Variants in GPLD1 observed in about 807,000 individuals in gnomAD.
GPLD1 encodes the protein phosphatidylinositol-glycan-specific phospholipase D.
GPLD1 carries 84 observed loss-of-function variants against 112.6 expected under a neutral mutation model. The ratio of observed to expected loss-of-function variants is 0.75; its 90% CI spans 0.63 to 0.89. The LOEUF is 0.89. GPLD1 is among the 40% of genes least tolerant of loss of function. GPLD1 has a pLI of 0.00. For synonymous variants in GPLD1, 386 were observed against 403.8 expected, an observed-to-expected ratio of 0.96 and a Z score of 0.53; for missense variants, 1,044 against 1,051.5, an observed-to-expected ratio of 0.99 and a Z score of 0.10.
Position 24,436,669 on chromosome 6 carries a change from G to A in GPLD1, c.2265C>T (p.Asp755=), listed in dbSNP as rs1062519. ...DVTSGLIGGE[D]GRVYVYNGKE... Reference sequence around the variant, plus strand: ...TGCCATTATATACATATACTCGGCCGTCTTCTCCCCCAATCAGTCCAGAGG... The same window carrying A: ...TGCCATTATATACATATACTCGGCCATCTTCTCCCCCAATCAGTCCAGAGG... The change falls in exon 22 of 25, where the codon GAC becomes GAT. Residue 755 remains aspartate, a synonymous_variant. Coordinates refer to ENST00000230036, the MANE Select transcript of GPLD1 (RefSeq NM_001503.4). The A allele has an allele frequency of 1.2e-5, 19 of 1,613,738 alleles. No individual in the cohort carries two copies. In the Middle Eastern group the frequency reaches 4.9e-4, roughly 42 times the overall value.
Position 24,452,605 on chromosome 6 carries a change from G to A in GPLD1, c.1335+1410C>T, listed in dbSNP as rs200264843. Among the ~76,000 whole-genome samples, 229 of 152,116 alleles carry A rather than the reference G, an allele frequency of 1.5e-3. 8 individuals are homozygous for A. The South Asian group carries it at 0.029, about 19-fold the overall frequency. On this transcript the variant is annotated intron_variant, in intron 14 of 24. Transcript: ENST00000230036. ...AGCCTTACCAATATGGTGAAACCCC[G>A]TCTCTACTAAAAATACAAAAATTAG...
intron 14 of GPLD1, among the ~76,000 whole-genome samples, chr6:24,452,311 A>C (rs1173458828): frequency 2.6e-5 from 4 of 152,112 alleles, no homozygotes; most frequent in Non-Finnish European, 5.9e-5. Context: ...AGATTAGATA[A>C]ATTTATTTTG....
intron 12 of GPLD1, among the ~76,000 whole-genome samples, chr6:24,459,687 AT>A (rs1236590095): frequency 6.6e-6 from 1 of 152,138 alleles, no homozygotes; most frequent in Non-Finnish European, 1.5e-5. Flanking sequence ...TTTGTCTTTC[AT>A]TTTATATCCC....
intron 12 of GPLD1, 127 bp downstream of exon 12, chr6:24,460,152 C>G: frequency 9.3e-7 from 1 of 1,078,228 alleles, no homozygotes; most frequent in South Asian, 1.3e-5. Flanking sequence ...CTCAACTCAG[C>G]CTCCCAGCCA....
upstream of GPLD1, among the ~76,000 whole-genome samples, chr6:24,489,908 G>C (rs534175009): frequency 1.3e-5 from 2 of 152,322 alleles, no homozygotes; most frequent in East Asian, 3.9e-4. Flanking sequence ...TGTGCAGATA[G>C]TCAACATATT....
chr6:24,465,263 C>T (rs1581765894), intron 10 of GPLD1, among the ~76,000 whole-genome samples: 2 of 147,398 alleles, frequency 1.4e-5, no homozygotes, highest in Non-Finnish European at 3.0e-5. Flanking sequence ...TTTCCGGCCA[C>T]GCATGGTGGC....
At chr6:24,451,579 G>GC (rs200444757) in intron 14 of GPLD1, among the ~76,000 whole-genome samples, 4,530 of 152,276 alleles carry the variant, frequency 0.03, 94 homozygotes, top group Non-Finnish European at 0.045. Context: ...CTCAGGATCT[G>GC]CCCGCCTTGG....
chr6:24,492,953 C>A (rs1192694334), upstream of GPLD1, among the ~76,000 whole-genome samples: 2 of 152,168 alleles, frequency 1.3e-5, no homozygotes, highest in African/African-American at 4.8e-5. Context: ...CCTAAAACTT[C>A]TTTTCTTCAG....
intron 22 of GPLD1, among the ~76,000 whole-genome samples, chr6:24,435,410 C>G: frequency 6.6e-6 from 1 of 152,100 alleles, no homozygotes; most frequent in Non-Finnish European, 1.5e-5. Context: ...AGGAAAAATA[C>G]TAGCAGGATC....
In GPLD1 at chr6:24,437,242, C is replaced by T. The variant is rs569424660; in HGVS notation, c.2068G>A (p.Gly690Arg). 1.2e-5 allele frequency: 19 copies of T among 1,614,004 alleles called. No individual in the cohort carries two copies. Among genetic ancestry groups the T allele is most frequent in the East Asian group, 2.2e-5 (1 of 44,904 alleles). The change falls in exon 21 of 25, where the codon GGA becomes AGA. Residue 690 changes from glycine (G) to arginine (R), a missense_variant. Coordinates refer to ENST00000230036, the MANE Select transcript of GPLD1 (RefSeq NM_001503.4). ...GTGAGTGCGTACATGCGAGTGGCTC[C>T]GCCTTGGTGTAGGGTCACGGTCAGG... ...AFLTVTLHQG[G>R]ATRMYALTSD...
chr6:24,478,805 C>G (rs992297874), intron 3 of GPLD1, among the ~76,000 whole-genome samples: 2 of 152,134 alleles, frequency 1.3e-5, no homozygotes, highest in African/African-American at 2.4e-5. Context: ...CTTGAACTAT[C>G]TTTTGCAATT....
At chr6:24,431,875 G>GTGTA (rs1256151447) in intron 24 of GPLD1, among the ~76,000 whole-genome samples, 1 of 152,126 alleles carries the variant, frequency 6.6e-6, no homozygotes, top group Non-Finnish European at 1.5e-5. Flanking sequence ...AATTTAAACT[G>GTGTA]TGTACACTTT....
At chr6:24,438,885 C>G (rs1053575247) in intron 20 of GPLD1, among the ~76,000 whole-genome samples, 1 of 152,088 alleles carries the variant, frequency 6.6e-6, no homozygotes, top group Non-Finnish European at 1.5e-5. Context: ...TTCCTGGGTT[C>G]AAGCGATTCT....
At chr6:24,479,817 G>A in intron 3 of GPLD1, 64 bp downstream of exon 3, 1 of 850,346 alleles carries the variant, frequency 1.2e-6, no homozygotes, top group Non-Finnish European at 2.1e-6. Context: ...TATTTTTAAA[G>A]TCATAGCTAT....
In GPLD1 at chr6:24,477,809, A is replaced by G. The variant is rs894739241; in HGVS notation, c.233-1531T>C. Among the ~76,000 whole-genome samples the G allele has an allele frequency of 3.5e-4, 53 of 152,356 alleles. 1 individual carries two copies. The highest frequency in any genetic ancestry group is 1.2e-3 in the African/African-American group (48 of 41,584). On this transcript the variant is annotated intron_variant, in intron 3 of 24. Transcript: ENST00000230036. The stretch of plus-strand genomic sequence containing the variant: ...TATCTAAGAAAGCTAAGTGCTTTGG[A>G]AAGATGCAATGAAAGTGAATCATCA...
At position 24,427,846 on chromosome 6, in the gene GPLD1, A is replaced by T. The variant is rs1762285475; in HGVS notation, c.*1186T>A. Among the ~76,000 whole-genome samples, 1 of 6,310 alleles carries T rather than the reference A, an allele frequency of 1.6e-4. No homozygotes were observed. Among genetic ancestry groups the T allele is most frequent in the African/African-American group, 2.7e-4 (1 of 3,768 alleles). 4.1% of individuals were successfully genotyped at this position (6,310 alleles called of 152,430 possible). On this transcript the variant is annotated 3_prime_UTR_variant, in exon 25 of 25. Transcript: ENST00000230036. ...GGGCAACAGAGCAAGACTCCGTCTCAAAAAAAAAAAAAAAAAAAAAGGACT... is the reference window on the plus strand; with the variant it reads ...GGGCAACAGAGCAAGACTCCGTCTCTAAAAAAAAAAAAAAAAAAAAGGACT...
In GPLD1 at chr6:24,445,708, G is replaced by A; in HGVS notation, c.1926+18C>T. Reference sequence around the variant, plus strand: ...CCTTGGAGTGTCCACTCTCCTGTGTGGGGAGGGCTTGTCATACCTTGTCTC... The same window carrying A: ...CCTTGGAGTGTCCACTCTCCTGTGTAGGGAGGGCTTGTCATACCTTGTCTC... On this transcript the variant is annotated intron_variant, in intron 19 of 24. Coordinates refer to ENST00000230036, the MANE Select transcript of GPLD1 (RefSeq NM_001503.4). The A allele has an allele frequency of 1.2e-6, 2 of 1,604,776 alleles. No individual in the cohort carries two copies. The highest frequency in any genetic ancestry group is 2.2e-5 in the East Asian group (1 of 44,812).
chr6:24,453,678 G>C (rs963093209), intron 14 of GPLD1, among the ~76,000 whole-genome samples: 9 of 137,878 alleles, frequency 6.5e-5, no homozygotes, highest in Non-Finnish European at 1.4e-4. Flanking sequence ...TACTTACAAA[G>C]TTTTATAAAT....
chr6:24,429,060 A>G lies in GPLD1; in HGVS notation c.2495T>C (p.Leu832Pro), dbSNP rs1432238178. Residue 832 changes from leucine (L) to proline (P), a missense_variant, in exon 25 of 25, where the codon CTT becomes CCT. Physicochemically the swap from Leu to Pro is moderately conservative, Grantham distance 98. Coordinates refer to ENST00000230036, the MANE Select transcript of GPLD1 (RefSeq NM_001503.4). ...ATCTGAGCCAAGGCTATAGACGTGA[A>G]GTGCCCCGGAGAGTCGGGCTCCCAA... ...SSLGARLSGA[L>P]HVYSLGSD The G allele has an allele frequency of 6.2e-7, 1 of 1,613,502 alleles. No homozygotes were observed. Among genetic ancestry groups the G allele is most frequent in the South Asian group, 1.1e-5 (1 of 91,020 alleles).
Sources: gnomAD v4.1 joint callset for allele counts (sites outside exome capture counted in the v4.1 genomes callset) on GRCh38, gnomAD v4.1.1 for gene constraint, MANE v1.5 for transcripts, NCBI Gene and HGNC (gene_info 2026-07-23, HGNC 2026-07-21) for gene names.